UFD1: variants seen among roughly 807,000 people sequenced by gnomAD.
UFD1 encodes the protein ubiquitin recognition factor in ER-associated degradation protein 1.
A neutral mutation model predicts 45.9 loss-of-function variants in UFD1; 13 were observed. That is an observed-to-expected ratio of 0.28 (90% CI 0.18 to 0.45). The LOEUF (loss-of-function observed/expected upper bound fraction) is 0.45. UFD1 is among the 20% of genes least tolerant of loss of function. The pLI is 1.00. For synonymous variants in UFD1, 128 were observed against 139.2 expected, an observed-to-expected ratio of 0.92 and a Z score of 0.56; for missense variants, 218 against 389.2, an observed-to-expected ratio of 0.56 and a Z score of 3.70.
intron 3 of UFD1, among the ~76,000 whole-genome samples, chr22:19,472,863 G>T (rs2089856010): frequency 6.6e-6 from 1 of 152,228 alleles, no homozygotes; most frequent in Non-Finnish European, 1.5e-5. Context: ...TAAGTCCAGG[G>T]ATTCAACCAT....
chr22:19,473,715 C>G (rs1230317945), intron 3 of UFD1, among the ~76,000 whole-genome samples: 1 of 152,218 alleles, frequency 6.6e-6, no homozygotes, highest in East Asian at 1.9e-4. Flanking sequence ...TAGGTTGTCA[C>G]AGACACTACA....
At chr22:19,453,330 T>A (rs1406047478) in intron 11 of UFD1, 1 of 985,504 alleles carries the variant, frequency 1.0e-6, no homozygotes, top group East Asian at 1.1e-4. Flanking sequence ...TCTTACCTCA[T>A]GACCTTTAGC....
intron 6 of UFD1, among the ~76,000 whole-genome samples, chr22:19,464,180 C>T (rs2089785821): frequency 6.6e-6 from 1 of 152,230 alleles, no homozygotes; most frequent in Non-Finnish European, 1.5e-5. Context: ...TGGATCCCTG[C>T]ACTGACACCA....
intron 4 of UFD1, 93 bp downstream of exon 4, chr22:19,471,594 C>T: frequency 3.9e-6 from 6 of 1,529,842 alleles, no homozygotes; most frequent in East Asian, 2.3e-5. Context: ...GAGGAGTAGG[C>T]GGGGCCACCT....
chr22:19,454,658 C>T (rs1484107815), intron 11 of UFD1, 91 bp downstream of exon 11: 2 of 1,597,112 alleles, frequency 1.3e-6, no homozygotes, highest in African/African-American at 1.3e-5. Flanking sequence ...GACTAATGCA[C>T]ACCCCTACTC....
At chr22:19,468,214 G>A (rs1303613169) in intron 4 of UFD1, among the ~76,000 whole-genome samples, 2 of 152,240 alleles carry the variant, frequency 1.3e-5, no homozygotes, top group Non-Finnish European at 2.9e-5. Flanking sequence ...TACTGAAGCT[G>A]TATAGCTCAC....
chr22:19,462,594 CAGG>C (rs974907865), intron 6 of UFD1, among the ~76,000 whole-genome samples: 3 of 152,048 alleles, frequency 2.0e-5, no homozygotes, highest in African/African-American at 7.2e-5. Flanking sequence ...TGCTCGAACC[CAGG>C]AGGTGGTAGC....
intron 6 of UFD1, among the ~76,000 whole-genome samples, chr22:19,461,739 T>A (rs988853045): frequency 7.9e-5 from 12 of 152,176 alleles, no homozygotes; most frequent in Non-Finnish European, 1.5e-4. Context: ...TATATAACCA[T>A]CTGGGCCTGT....
intron 6 of UFD1, among the ~76,000 whole-genome samples, chr22:19,464,065 T>C (rs556268273): frequency 2.3e-4 from 35 of 152,342 alleles, no homozygotes; most frequent in African/African-American, 8.2e-4. Context: ...AACAAGATTA[T>C]TTCTTAGTTT....
At chr22:19,455,450 G>A (rs2089715196) in intron 10 of UFD1, among the ~76,000 whole-genome samples, 1 of 152,214 alleles carries the variant, frequency 6.6e-6, no homozygotes, top group South Asian at 2.1e-4. Context: ...GCTGAATTGG[G>A]GGTATGGAGA....
chr22:19,468,056 AACCACTGCTCCCT>A (rs2089816412), intron 4 of UFD1, 53 bp from the exon 5 acceptor site: 9 of 1,608,248 alleles, frequency 5.6e-6, no homozygotes, highest in Non-Finnish European at 7.6e-6. Context: ...CAGCCTCCAC[AACCACTGCTCCCT>A]ATACACTGGG....
At chr22:19,476,990 G>A (rs1332658663) in intron 1 of UFD1, among the ~76,000 whole-genome samples, 4 of 109,830 alleles carry the variant, frequency 3.6e-5, no homozygotes, top group Admixed American at 1.3e-4. Context: ...CTGGGCAACA[G>A]AGCAAGACTC....
intron 9 of UFD1, among the ~76,000 whole-genome samples, chr22:19,456,336 T>TA (rs150190062): frequency 0.049 from 7,522 of 152,292 alleles, 289 homozygotes; most frequent in East Asian, 0.12. Context: ...CTGTACTATT[T>TA]AAACTCTTCG....
intron 1 of UFD1, chr22:19,478,856 G>C: frequency 1.8e-6 from 1 of 563,912 alleles, no homozygotes; most frequent in Non-Finnish European, 3.0e-6. Flanking sequence ...GGGCAAGTCC[G>C]GCTGAGACAG....
chr22:19,475,140 TAAA>T, intron 2 of UFD1, 40 bp from the exon 3 acceptor site: 1 of 1,584,084 alleles, frequency 6.3e-7, no homozygotes. Flanking sequence ...AAAATAAAAA[TAAA>T]AAGGACAGAC....
At chr22:19,453,545 C>T (rs2089699138) in intron 11 of UFD1, 1 of 985,496 alleles carries the variant, frequency 1.0e-6, no homozygotes, top group African/African-American at 1.7e-5. Context: ...CGGAGTCAGG[C>T]ACTGGCTTTT....
intron 1 of UFD1, chr22:19,478,843 G>A: frequency 1.9e-6 from 1 of 539,794 alleles, no homozygotes; most frequent in Non-Finnish European, 3.2e-6. Context: ...CTTTCGTCAA[G>A]GAGGGCAAGT....
In UFD1 at chr22:19,456,531, T is replaced by C; in HGVS notation, c.678+56A>G. On this transcript the variant is annotated intron_variant, in intron 9 of 11. Transcript: ENST00000263202. ...CATGGAGAACACCTTGAGTGAGTGC[T>C]CTAATTTCAAGGAGCAGAGGGCACA... 9.3e-6 allele frequency: 15 copies of C among 1,610,948 alleles called. No homozygotes were observed. The South Asian group carries it at 1.6e-4, about 18-fold the overall frequency.
chr22:19,478,672 G>T (rs2089913842), intron 1 of UFD1: 1 of 164,960 alleles, frequency 6.1e-6, no homozygotes, highest in Non-Finnish European at 9.9e-6. Flanking sequence ...GCAAGAGCTG[G>T]GTGTCCCCCA....
Sources: allele counts gnomAD v4.1 joint callset (sites outside exome capture counted in the v4.1 genomes callset), GRCh38; gene constraint gnomAD v4.1.1; transcripts MANE v1.5; gene names NCBI Gene and HGNC (gene_info 2026-07-23, HGNC 2026-07-21).